MAP2K1: variants seen among roughly 807,000 people sequenced by gnomAD.
The protein encoded by MAP2K1 is dual specificity mitogen-activated protein kinase kinase 1.
Under a neutral mutation model 46.3 loss-of-function variants are expected in MAP2K1, and 16 were observed. The ratio of observed to expected loss-of-function variants is 0.35; its 90% CI spans 0.23 to 0.52. The LOEUF is 0.52. MAP2K1 is among the 20% of genes least tolerant of loss of function. MAP2K1 has a pLI of 0.94. For synonymous variants in MAP2K1, 183 were observed against 185.6 expected, an observed-to-expected ratio of 0.99 and a Z score of 0.11; for missense variants, 263 against 497.1, an observed-to-expected ratio of 0.53 and a Z score of 4.48.
chr15:66,449,103 T>C (rs1176813425), intron 5 of MAP2K1, among the ~76,000 whole-genome samples: 1 of 151,686 alleles, frequency 6.6e-6, no homozygotes, highest in African/African-American at 2.4e-5. Context: ...TGTTAAATTA[T>C]ACCACCATGA....
At chr15:66,456,204 C>T (rs918027186) in intron 5 of MAP2K1, among the ~76,000 whole-genome samples, 1 of 152,120 alleles carries the variant, frequency 6.6e-6, no homozygotes, top group Non-Finnish European at 1.5e-5. Flanking sequence ...TGAATTGTGT[C>T]CTCCAGGAGC....
In MAP2K1 at chr15:66,387,042, GA is replaced by G; in HGVS notation, c.-305del. On this transcript the variant is annotated 5_prime_UTR_variant, in exon 1 of 11. Coordinates refer to ENST00000307102, the MANE Select transcript of MAP2K1 (RefSeq NM_002755.4). ...CCCGAGCCGGAGGGACTGGTTGGTT[GA>G]GAGAGAGAGAGGAAGGGAATCCCGG... 1 of 290,864 alleles carries G rather than the reference GA, an allele frequency of 3.4e-6. No individual in the cohort carries two copies. Among genetic ancestry groups the G allele is most frequent in the Non-Finnish European group, 6.4e-6 (1 of 156,880 alleles). The allele number at this position is 290,864 out of a possible 1,614,324, so 18.0% of individuals were successfully genotyped here.
rs146782037 is a variant in MAP2K1 at position 66,404,021 on chromosome 15, GCTC to G, written c.80+16598_80+16600del. ...TACCAAAATGCCAGCCTGTATTTCA[GCTC>G]CTCTTTCTTGGAGTCTTTAGGATGG... On this transcript the variant is annotated intron_variant, in intron 1 of 10. Transcript: ENST00000307102. Among the ~76,000 whole-genome samples the G allele has an allele frequency of 5.4e-3, 827 of 152,284 alleles. 6 individuals carry two copies. The highest frequency in any genetic ancestry group is 8.7e-3 in the Non-Finnish European group (593 of 68,018).
chr15:66,452,296 A>AAG (rs1555417513), intron 5 of MAP2K1, among the ~76,000 whole-genome samples: 2 of 34,732 alleles, frequency 5.8e-5, no homozygotes, highest in East Asian at 1.6e-3. Flanking sequence ...ATAAAAAAAA[A>AAG]AAAAAAAGAA....
At chr15:66,488,897 T>C (rs1281586042) in intron 8 of MAP2K1, 1 of 437,194 alleles carries the variant, frequency 2.3e-6, no homozygotes, top group African/African-American at 2.0e-5. Flanking sequence ...CCCAACCTCT[T>C]CATGTCATAG....
At chr15:66,445,155 GGT>G (rs1891832233) in intron 5 of MAP2K1, among the ~76,000 whole-genome samples, 1 of 142,080 alleles carries the variant, frequency 7.0e-6, no homozygotes, top group Non-Finnish European at 1.6e-5. Context: ...AGCGGGGGGA[GGT>G]GGGGGGGTGG....
At chr15:66,402,694 C>T (rs1173355921) in intron 1 of MAP2K1, among the ~76,000 whole-genome samples, 2 of 151,738 alleles carry the variant, frequency 1.3e-5, no homozygotes, top group Admixed American at 1.3e-4. Context: ...TCCATCTCGA[C>T]TATGGTTTGT....
chr15:66,425,389 T>G (rs930143062), intron 1 of MAP2K1, among the ~76,000 whole-genome samples: 3 of 152,222 alleles, frequency 2.0e-5, no homozygotes, highest in Non-Finnish European at 2.9e-5. Context: ...CAGAATTTTT[T>G]TTTTTAACCT....
intron 5 of MAP2K1, among the ~76,000 whole-genome samples, chr15:66,469,713 C>CAT (rs1348753840): frequency 6.9e-6 from 1 of 144,450 alleles, no homozygotes; most frequent in African/African-American, 2.5e-5. Flanking sequence ...CACACACACA[C>CAT]ACACACACAC....
intron 8 of MAP2K1, chr15:66,488,847 TAG>T (rs958316877): frequency 7.6e-5 from 25 of 328,804 alleles, no homozygotes; most frequent in Non-Finnish European, 1.2e-4. Context: ...TTTACCATTG[TAG>T]AGTGTCAGAG....
At chr15:66,394,893 T>C (rs973028536) in intron 1 of MAP2K1, among the ~76,000 whole-genome samples, 3 of 152,364 alleles carry the variant, frequency 2.0e-5, no homozygotes, top group South Asian at 2.1e-4. Flanking sequence ...TGCTTAAGCC[T>C]GTGTCTTTGG....
rs2093483978 is a variant in MAP2K1, at chr15:66,435,023, A to G, written c.81-4A>G. The G allele has an allele frequency of 3.1e-6, 5 of 1,607,458 alleles. No homozygotes were observed. Among genetic ancestry groups the G allele is most frequent in the Admixed American group, 1.7e-5 (1 of 59,988 alleles). On this transcript the variant is annotated splice_polypyrimidine_tract_variant and splice_region_variant and intron_variant, in intron 1 of 10. Coordinates refer to ENST00000307102, the MANE Select transcript of MAP2K1 (RefSeq NM_002755.4). ...ATTGACTTGTGCTCCCCACTTTGGA[A>G]CAGGACCAACTTGGAGGCCTTGCAG...
Position 66,412,061 on chromosome 15 carries a change from G to A in MAP2K1, c.81-22966G>A, listed in dbSNP as rs762468357. Among the ~76,000 whole-genome samples the A allele has an allele frequency of 4.4e-4, 67 of 152,182 alleles. 1 individual carries two copies. Among genetic ancestry groups the A allele is most frequent in the Non-Finnish European group, 8.4e-4 (57 of 68,030 alleles). On this transcript the variant is annotated intron_variant, in intron 1 of 10. Coordinates refer to ENST00000307102, the MANE Select transcript of MAP2K1 (RefSeq NM_002755.4). ...TATACATTGGAGACAAATTATTGAT[G>A]GAGGCTGCAATTTTGCAAATAAAAA...
At chr15:66,426,616 C>G (rs1298588869) in intron 1 of MAP2K1, among the ~76,000 whole-genome samples, 1 of 152,156 alleles carries the variant, frequency 6.6e-6, no homozygotes, top group East Asian at 1.9e-4. Context: ...TTGGCACTCT[C>G]AGGGCAGAGC....
intron 5 of MAP2K1, among the ~76,000 whole-genome samples, chr15:66,464,158 G>A (rs1048775884): frequency 3.3e-5 from 5 of 152,064 alleles, no homozygotes; most frequent in Non-Finnish European, 5.9e-5. Context: ...TGAATCTTTC[G>A]TCTCAGGTTT....
At chr15:66,479,895 A>G (rs1051470268) in intron 5 of MAP2K1, among the ~76,000 whole-genome samples, 2 of 151,350 alleles carry the variant, frequency 1.3e-5, no homozygotes, top group Non-Finnish European at 2.9e-5. Context: ...ATTTTTTTTT[A>G]TTATTTTTAT....
intron 1 of MAP2K1, among the ~76,000 whole-genome samples, chr15:66,403,499 A>G (rs1042856967): frequency 2.0e-5 from 3 of 152,158 alleles, no homozygotes; most frequent in Admixed American, 1.3e-4. Context: ...ACCGCAGACG[A>G]AAGTCCCCTT....
intron 5 of MAP2K1, among the ~76,000 whole-genome samples, chr15:66,465,140 C>G (rs953645624): frequency 5.3e-5 from 8 of 152,040 alleles, no homozygotes; most frequent in South Asian, 2.1e-4. Context: ...CAGGAGAATC[C>G]TTGAAACTGG....
chr15:66,417,574 C>CA (rs913196518), intron 1 of MAP2K1, among the ~76,000 whole-genome samples: 1 of 151,760 alleles, frequency 6.6e-6, no homozygotes, highest in Non-Finnish European at 1.5e-5. Context: ...GACCCTGTCT[C>CA]AAAAAAACAA....
Sources: allele counts gnomAD v4.1 joint callset (sites outside exome capture counted in the v4.1 genomes callset), GRCh38; gene constraint gnomAD v4.1.1; transcripts MANE v1.5; gene names NCBI Gene and HGNC (gene_info 2026-07-23, HGNC 2026-07-21).